Variants in RASAL2 observed in about 807,000 individuals in gnomAD.
RASAL2 encodes the protein ras GTPase-activating protein nGAP.
Under a neutral mutation model 128.9 loss-of-function variants are expected in RASAL2, and 58 were observed. The observed-to-expected ratio is 0.45, with a 90% CI of 0.36 to 0.56. The LOEUF is 0.56. RASAL2 is among the 20% of genes least tolerant of loss of function. RASAL2 has a pLI of 0.00. For missense variants in RASAL2, 1,360 were observed against 1,601.6 expected (o/e 0.85, Z 2.57); for synonymous variants, 561 against 580.8 (o/e 0.97, Z 0.49).
At chr1:178,149,191 A>G (rs958267176) in intron 1 of RASAL2, among the ~76,000 whole-genome samples, 2 of 152,196 alleles carry the variant, frequency 1.3e-5, no homozygotes, top group African/African-American at 4.8e-5. Context: ...TAAGCCTTTT[A>G]GAGATTCTAA....
chr1:178,201,614 G>T (rs1452878223), intron 1 of RASAL2, among the ~76,000 whole-genome samples: 1 of 152,154 alleles, frequency 6.6e-6, no homozygotes, highest in African/African-American at 2.4e-5. Flanking sequence ...GTGTGGCAGG[G>T]GCCAAGTGGT....
intron 2 of RASAL2, among the ~76,000 whole-genome samples, chr1:178,292,694 A>G (rs1408159808): frequency 6.6e-6 from 1 of 152,220 alleles, no homozygotes; most frequent in Admixed American, 6.5e-5. Flanking sequence ...GATGAGACCA[A>G]GTAAATTTGA....
chr1:178,444,739 A>G (rs945263788), intron 8 of RASAL2, among the ~76,000 whole-genome samples: 10 of 152,124 alleles, frequency 6.6e-5, no homozygotes, highest in Admixed American at 4.6e-4. Context: ...AGCCTAGACA[A>G]TGACTTCAAG....
chr1:178,141,530 G>A (rs1452917329), intron 1 of RASAL2, among the ~76,000 whole-genome samples: 2 of 152,074 alleles, frequency 1.3e-5, no homozygotes, highest in Non-Finnish European at 2.9e-5. Context: ...AGGAAATCCA[G>A]CTAGTCCTGT....
At chr1:178,136,496 C>T (rs566230772) in intron 1 of RASAL2, among the ~76,000 whole-genome samples, 198 of 152,166 alleles carry the variant, frequency 1.3e-3, no homozygotes, top group Non-Finnish European at 1.9e-3. Flanking sequence ...TGGCTCATGC[C>T]TGTAGTCCCA....
In RASAL2 at chr1:178,379,575, AT is replaced by A. The variant is rs750770455; in HGVS notation, c.458-10523del. ...GCGTTAATATTTCCAATCAGTGATAATTCAGTTTTTCATAGCAAGTGAATAA... is the reference window on the plus strand; with the variant it reads ...GCGTTAATATTTCCAATCAGTGATAATCAGTTTTTCATAGCAAGTGAATAA... On this transcript the variant is annotated intron_variant, in intron 3 of 17. Transcript: ENST00000367649. Among the ~76,000 whole-genome samples, 152 of 152,330 alleles carry A rather than the reference AT, an allele frequency of 1.0e-3. 1 individual carries two copies. The highest frequency in any genetic ancestry group is 1.8e-3 in the Admixed American group (27 of 15,300).
At chr1:178,337,904 GT>G (rs1669675623) in intron 3 of RASAL2, among the ~76,000 whole-genome samples, 1 of 151,614 alleles carries the variant, frequency 6.6e-6, no homozygotes, top group East Asian at 2.0e-4. Context: ...GCTAATTTTT[GT>G]ATTTTCAGTA....
At chr1:178,236,477 C>G (rs531350572) in intron 1 of RASAL2, among the ~76,000 whole-genome samples, 3 of 152,066 alleles carry the variant, frequency 2.0e-5, no homozygotes, top group Non-Finnish European at 4.4e-5. Flanking sequence ...ACTAGTCAAC[C>G]AAGTGTTATT....
intron 1 of RASAL2, among the ~76,000 whole-genome samples, chr1:178,147,767 T>C (rs1243689820): frequency 6.6e-6 from 1 of 152,078 alleles, no homozygotes; most frequent in Non-Finnish European, 1.5e-5. Context: ...CCAGCTTTAC[T>C]ATAAAATGAT....
intron 3 of RASAL2, among the ~76,000 whole-genome samples, chr1:178,381,470 C>A (rs1672283245): frequency 6.6e-6 from 1 of 151,644 alleles, no homozygotes; most frequent in African/African-American, 2.4e-5. Context: ...TTTTTTATTA[C>A]CTTCACTAAT....
At chr1:178,159,902 C>G (rs111342816) in intron 1 of RASAL2, among the ~76,000 whole-genome samples, 7 of 151,548 alleles carry the variant, frequency 4.6e-5, no homozygotes, top group Non-Finnish European at 1.0e-4. Context: ...AAGACTCTGT[C>G]TAAAACAAAC....
At chr1:178,148,510 G>A (rs933515885) in intron 1 of RASAL2, among the ~76,000 whole-genome samples, 3 of 152,002 alleles carry the variant, frequency 2.0e-5, no homozygotes, top group Middle Eastern at 3.2e-3. Flanking sequence ...GTGCAGTGGT[G>A]TGATCTCGGC....
At chr1:178,094,719 G>A (rs1312716077) in intron 1 of RASAL2, 25 bp downstream of exon 1, 1 of 1,612,080 alleles carries the variant, frequency 6.2e-7, no homozygotes, top group Non-Finnish European at 8.5e-7. Context: ...CCGTCTTAGA[G>A]GCTGGTGTTT....
intron 1 of RASAL2, among the ~76,000 whole-genome samples, chr1:178,180,732 C>T (rs1369545612): frequency 6.8e-6 from 1 of 146,512 alleles, no homozygotes; most frequent in African/African-American, 2.5e-5. Context: ...GCGACTCTAA[C>T]CACAATTTTT....
chr1:178,348,092 C>A (rs1670246076), intron 3 of RASAL2, among the ~76,000 whole-genome samples: 1 of 152,062 alleles, frequency 6.6e-6, no homozygotes, highest in African/African-American at 2.4e-5. Context: ...TCAGACTGAT[C>A]TAGGGTGATG....
intron 1 of RASAL2, among the ~76,000 whole-genome samples, chr1:178,215,077 A>G (rs1330794847): frequency 6.6e-6 from 1 of 152,196 alleles, no homozygotes; most frequent in Non-Finnish European, 1.5e-5. Flanking sequence ...CTCATGTGTA[A>G]GTTCAGTATT....
chr1:178,228,495 T>C (rs1663873521), intron 1 of RASAL2, among the ~76,000 whole-genome samples: 1 of 152,054 alleles, frequency 6.6e-6, no homozygotes, highest in South Asian at 2.1e-4. Flanking sequence ...GGGCAGAGAA[T>C]TGCTTGAACT....
intron 1 of RASAL2, chr1:178,194,695 T>G (rs1021541741): frequency 3.4e-5 from 6 of 178,872 alleles, no homozygotes; most frequent in Middle Eastern, 6.2e-3. Context: ...TAGCAGTCTA[T>G]TTGGTTTGGG....
chr1:178,255,901 A>G (rs1236191331), intron 1 of RASAL2, among the ~76,000 whole-genome samples: 2 of 152,196 alleles, frequency 1.3e-5, no homozygotes, highest in Non-Finnish European at 2.9e-5. Context: ...CGCTTGTGAG[A>G]CTGGATTAAA....
Sources: allele counts gnomAD v4.1 joint callset (sites outside exome capture counted in the v4.1 genomes callset), GRCh38; gene constraint gnomAD v4.1.1; transcripts MANE v1.5; gene names NCBI Gene and HGNC (gene_info 2026-07-23, HGNC 2026-07-21).